The following CPNE4 variants were observed in gnomAD, a reference collection of about 807,000 sequenced individuals.
CPNE4 encodes the protein copine-4.
Under a neutral mutation model 67.9 loss-of-function variants are expected in CPNE4, and 25 were observed. That is an observed-to-expected ratio of 0.37 (90% CI 0.27 to 0.51). The LOEUF (loss-of-function observed/expected upper bound fraction) is 0.51, where lower values mean the gene tolerates loss of function less well. Among genes scored for constraint, CPNE4 ranks in the 20% least tolerant of loss-of-function variants. The pLI, the probability that CPNE4 is intolerant of heterozygous loss-of-function variation, is 0.93. For synonymous variants in CPNE4, 242 were observed against 244.9 expected, an observed-to-expected ratio of 0.99 and a Z score of 0.11; for missense variants, 464 against 690.8, an observed-to-expected ratio of 0.67 and a Z score of 3.68.
chr3:131,883,016 C>T (rs2087741636), intron 2 of CPNE4, among the ~76,000 whole-genome samples: 1 of 152,144 alleles, frequency 6.6e-6, no homozygotes, highest in Non-Finnish European at 1.5e-5. Flanking sequence ...CATGCCAGGC[C>T]AGTTCTGCTC....
intron 2 of CPNE4, among the ~76,000 whole-genome samples, chr3:131,823,266 G>A (rs942405729): frequency 6.6e-6 from 1 of 152,200 alleles, no homozygotes; most frequent in Non-Finnish European, 1.5e-5. Context: ...AGTCCTCATT[G>A]CAAGCTTGCA....
At chr3:131,587,647 T>A in intron 7 of CPNE4, 65 bp from the exon 8 acceptor site, 1 of 1,180,396 alleles carries the variant, frequency 8.5e-7, no homozygotes, top group Non-Finnish European at 1.3e-6. Flanking sequence ...CTGAAGGCAA[T>A]GTTAACTTTA....
chr3:131,623,733 T>C (rs543851535), intron 7 of CPNE4, among the ~76,000 whole-genome samples: 9 of 152,346 alleles, frequency 5.9e-5, no homozygotes, highest in South Asian at 4.1e-4. Flanking sequence ...CCCAGACTTA[T>C]TGAACCAAAA....
At chr3:131,953,754 T>A (rs906137995) in intron 1 of CPNE4, among the ~76,000 whole-genome samples, 33 of 152,132 alleles carry the variant, frequency 2.2e-4, no homozygotes, top group Non-Finnish European at 1.6e-4. Flanking sequence ...GTGGGAAGGA[T>A]GAATGGGGGT....
intron 2 of CPNE4, among the ~76,000 whole-genome samples, chr3:131,747,512 A>T (rs1422650291): frequency 1.3e-5 from 2 of 149,790 alleles, no homozygotes; most frequent in Non-Finnish European, 1.5e-5. Context: ...GTTGGTTTTC[A>T]CTTTAGTATT....
rs180697778 is a variant in CPNE4 at position 131,865,833 on chromosome 3, T to A, written c.180+39431A>T. Among the ~76,000 whole-genome samples the A allele has an allele frequency of 1.5e-4, 23 of 152,270 alleles. No homozygotes were observed. In the East Asian group the frequency reaches 4.4e-3, roughly 29 times the overall value. ...TGCCTTTGAGACCAGTACCTGTGGA[T>A]GGGAAGAATAGAAATCAGGAGTGGG... On this transcript the variant is annotated intron_variant, in intron 2 of 15. Transcript: ENST00000429747.
At chr3:131,728,012 A>G (rs1235268633) in intron 2 of CPNE4, among the ~76,000 whole-genome samples, 1 of 152,146 alleles carries the variant, frequency 6.6e-6, no homozygotes, top group African/African-American at 2.4e-5. Context: ...ACTGCATGAC[A>G]TATTCATGTA....
chr3:132,026,810 C>A (rs2074124619), intron 1 of CPNE4, among the ~76,000 whole-genome samples: 2 of 152,018 alleles, frequency 1.3e-5, no homozygotes, highest in African/African-American at 4.8e-5. Flanking sequence ...TACAGTGAGT[C>A]AAGGCCTCTC....
At chr3:131,600,746 G>A (rs534915121) in intron 7 of CPNE4, among the ~76,000 whole-genome samples, 1 of 152,092 alleles carries the variant, frequency 6.6e-6, no homozygotes, top group East Asian at 1.9e-4. Context: ...GACTAATAAG[G>A]CTTCCTCTAA....
chr3:131,637,779 T>G (rs2079431956), intron 7 of CPNE4, among the ~76,000 whole-genome samples: 1 of 152,122 alleles, frequency 6.6e-6, no homozygotes, highest in South Asian at 2.1e-4. Context: ...TTAAGAACTG[T>G]GAGGCAAAAG....
chr3:131,966,283 G>T (rs2072341885), intron 1 of CPNE4, among the ~76,000 whole-genome samples: 1 of 151,968 alleles, frequency 6.6e-6, no homozygotes, highest in South Asian at 2.1e-4. Context: ...GAGATCTAAA[G>T]TCAACACCCT....
chr3:131,878,921 C>A (rs1239876603), intron 2 of CPNE4, among the ~76,000 whole-genome samples: 1 of 152,254 alleles, frequency 6.6e-6, no homozygotes, highest in Non-Finnish European at 1.5e-5. Context: ...AAAGGTCTCA[C>A]CCTCATGACA....
intron 1 of CPNE4, among the ~76,000 whole-genome samples, chr3:131,976,547 A>C (rs945709106): frequency 6.6e-6 from 1 of 152,114 alleles, no homozygotes; most frequent in African/African-American, 2.4e-5. Flanking sequence ...CCTGGGGTGT[A>C]TGTCAGAATA....
intron 6 of CPNE4, among the ~76,000 whole-genome samples, chr3:131,684,100 G>A (rs2080824894): frequency 6.6e-6 from 1 of 152,122 alleles, no homozygotes; most frequent in East Asian, 1.9e-4. Context: ...CAGTGATAAC[G>A]ATGTTAAAAC....
chr3:131,717,887 T>C (rs1394253994), intron 3 of CPNE4, among the ~76,000 whole-genome samples: 1,693 of 61,826 alleles, frequency 0.027, 139 homozygotes, highest in East Asian at 0.086. Flanking sequence ...TCTTTCTTTC[T>C]TTCTTTCTTT....
chr3:131,883,171 A>T (rs60137373), intron 2 of CPNE4, among the ~76,000 whole-genome samples: 96 of 152,270 alleles, frequency 6.3e-4, no homozygotes, highest in Admixed American at 3.3e-3. Flanking sequence ...CTGAAGTTAC[A>T]CTGTACCAGT....
intron 2 of CPNE4, among the ~76,000 whole-genome samples, chr3:131,728,665 C>G (rs1024810497): frequency 6.6e-6 from 1 of 152,022 alleles, no homozygotes; most frequent in Non-Finnish European, 1.5e-5. Flanking sequence ...AATCCCAGCA[C>G]TTTGGGAGGC....
intron 2 of CPNE4, among the ~76,000 whole-genome samples, chr3:131,876,283 TAC>T: frequency 7.0e-6 from 1 of 141,856 alleles, no homozygotes; most frequent in African/African-American, 2.6e-5. Flanking sequence ...AATAAATAAA[TAC>T]GAATACAACC....
intron 7 of CPNE4, among the ~76,000 whole-genome samples, chr3:131,606,701 A>G (rs2107733919): frequency 6.6e-6 from 1 of 152,246 alleles, no homozygotes; most frequent in African/African-American, 2.4e-5. Context: ...CTGGGCAACC[A>G]TCATATCTGA....
Sources: gnomAD v4.1 joint callset for allele counts (sites outside exome capture counted in the v4.1 genomes callset) on GRCh38, gnomAD v4.1.1 for gene constraint, MANE v1.5 for transcripts, NCBI Gene and HGNC (gene_info 2026-07-23, HGNC 2026-07-21) for gene names.